CEP68: variants seen among roughly 807,000 people sequenced by gnomAD.
The protein encoded by CEP68 is centrosomal protein 68.
CEP68 carries 26 observed loss-of-function variants against 55.3 expected under a neutral mutation model. That is an observed-to-expected ratio of 0.47 (90% confidence interval 0.34 to 0.65). The LOEUF (loss-of-function observed/expected upper bound fraction) is 0.65. Among genes scored for constraint, CEP68 ranks in the 30% least tolerant of loss-of-function variants. The pLI, the probability that CEP68 is intolerant of heterozygous loss-of-function variation, is 0.01. For missense variants in CEP68, 957 were observed against 946.7 expected (o/e 1.01, Z -0.14); for synonymous variants, 402 against 383.2 (o/e 1.05, Z -0.57).
rs1212233267 is a variant in CEP68 at position 65,069,633 on chromosome 2, C to G, written c.189C>G (p.Ala63=). 1.1e-5 allele frequency: 18 copies of G among 1,613,948 alleles called. No homozygotes were observed. The highest frequency in any genetic ancestry group is 1.4e-5 in the Non-Finnish European group (16 of 1,180,044). ...SPVWGAEGIP[A]PTCWIGTDPG... ...TATGGGGGGCAGAAGGGATACCTGC[C>G]CCTACTTGCTGGATTGGGACTGACC... Residue 63 remains alanine, a synonymous_variant, in exon 2 of 7, where the codon GCC becomes GCG. Transcript: ENST00000377990.
At chr2:65,073,120 C>G (rs1451592598) in intron 3 of CEP68, 140 bp downstream of exon 3, 2 of 927,736 alleles carry the variant, frequency 2.2e-6, no homozygotes, top group Non-Finnish European at 3.5e-6. Flanking sequence ...TTATCTTATT[C>G]AGTCCTCACA....
Position 65,072,391 on chromosome 2 carries a change from A to T in CEP68, c.1295A>T (p.Asp432Val). The change falls in exon 3 of 7, where the codon GAT (aspartate) becomes GTT (valine). Residue 432 changes from aspartate (D) to valine (V), a missense_variant. By Grantham distance (152) the Asp-to-Val change is radical (BLOSUM62 -3). Transcript: ENST00000377990. ...CGGCTGACTATAGGCAAGCACCTTG[A>T]TATGGGCTCTCCCCAGCTAAGGACA... ...KDRLTIGKHLDMGSPQLRTRD... is the reference protein window; with the variant it reads ...KDRLTIGKHLVMGSPQLRTRD... 6.2e-7 allele frequency: 1 copy of T among 1,613,920 alleles called. No homozygotes were observed. The highest frequency in any genetic ancestry group is 2.2e-5 in the East Asian group (1 of 44,866).
In CEP68 at chr2:65,087,004, A is replaced by G. The variant is rs1573058874; in HGVS notation, c.*3370A>G. The G allele has an allele frequency of 2.6e-5, 4 of 152,306 alleles. No individual in the cohort carries two copies. The East Asian group carries it at 7.7e-4, about 29-fold the overall frequency. The allele number at this position is 152,306 out of a possible 1,614,324, so 9.4% of individuals were successfully genotyped here. ...TGAAAAATAAAAATTAAAAAAACCTATTCATTTTTGGCTTGTGTTTAGCTT... is the reference window on the plus strand; with the variant it reads ...TGAAAAATAAAAATTAAAAAAACCTGTTCATTTTTGGCTTGTGTTTAGCTT... On this transcript the variant is annotated 3_prime_UTR_variant, in exon 7 of 7. Transcript: ENST00000377990.
At position 65,074,283 on chromosome 2, in the gene CEP68, C is replaced by T. The variant is rs1348476956; in HGVS notation, c.1886C>T (p.Thr629Ile). Residue 629 changes from threonine to isoleucine, a missense_variant and splice_region_variant, in exon 4 of 7, where the codon ACA (threonine) becomes ATA (isoleucine). Thr to Ile is a moderately conservative substitution (Grantham distance 89). Transcript: ENST00000377990. ...GTGTCCTTTTATTTGTCTCTGCAGACATTTTGCTGTCAGCTGGAAGAGCTG... is the reference window on the plus strand; with the variant it reads ...GTGTCCTTTTATTTGTCTCTGCAGATATTTTGCTGTCAGCTGGAAGAGCTG... ...GKESLVQCVK[T>I]FCCQLEELIC... 1 of 1,614,096 alleles carries T rather than the reference C, an allele frequency of 6.2e-7. No individual in the cohort carries two copies. The highest frequency in any genetic ancestry group is 8.5e-7 in the Non-Finnish European group (1 of 1,179,968).
rs1676367685 is a variant in CEP68, at chr2:65,069,698, A to G, written c.254A>G (p.Asp85Gly). Residue 85 changes from aspartate to glycine, a missense_variant, in exon 2 of 7, where the codon GAT becomes GGT. By Grantham distance (94) the Asp-to-Gly change is moderately conservative (BLOSUM62 -1). Coordinates refer to ENST00000377990, the MANE Select transcript of CEP68 (RefSeq NM_015147.3). Reference protein sequence around the residue: ...PSRAHQPQASDANREPVAERS... With the variant: ...PSRAHQPQASGANREPVAERS... ...AGAGCCCACCAGCCACAGGCCAGTG[A>G]TGCCAACAGAGAGCCCGTAGCTGAG... The G allele has an allele frequency of 1.9e-6, 3 of 1,613,982 alleles. No individual in the cohort carries two copies. The highest frequency in any genetic ancestry group is 2.2e-5 in the South Asian group (2 of 91,094).
intron 5 of CEP68, among the ~76,000 whole-genome samples, chr2:65,078,986 T>C (rs1442969029): frequency 6.6e-6 from 1 of 152,204 alleles, no homozygotes. Context: ...GATGAGGATA[T>C]GATAGGGAGG....
rs755653832 is a variant in CEP68 at position 65,072,576 on chromosome 2, AGCCTGGTTTCGT to A, written c.1481_1492del (p.Ser494_Tyr498delinsAsn). On this transcript the variant is annotated inframe_deletion, in exon 3 of 7. Transcript: ENST00000377990. ...CCCCGCTCGGCTGACACAGGTTTCTAGCCTGGTTTCGTATCTAGGATCCATTTCTACCTTGGT... is the reference window on the plus strand; with the variant it reads ...CCCCGCTCGGCTGACACAGGTTTCTAATCTAGGATCCATTTCTACCTTGGT... 1.9e-6 allele frequency: 3 copies of A among 1,614,056 alleles called. No homozygotes were observed. In the South Asian group the frequency reaches 3.3e-5, roughly 18 times the overall value.
chr2:65,082,670 A>G lies in CEP68; in HGVS notation c.2239A>G (p.Met747Val). The G allele has an allele frequency of 2.5e-6, 4 of 1,605,694 alleles. No homozygotes were observed. Among genetic ancestry groups the G allele is most frequent in the Admixed American group, 1.7e-5 (1 of 57,750 alleles). ...GCTLIPDKKP[M>V]AAMEHPCEGV ...CACCCTTATCCCTGACAAAAAGCCC[A>G]TGGCGGCAATGGAGCACCCATGTGA... Residue 747 changes from methionine to valine, a missense_variant, in exon 6 of 7, where the codon ATG becomes GTG. Transcript: ENST00000377990.
intron 4 of CEP68, chr2:65,075,158 A>G (rs747342634): frequency 1.2e-4 from 18 of 151,888 alleles, no homozygotes; most frequent in East Asian, 5.8e-4. Flanking sequence ...GGCTCACACT[A>G]TTAATCCCAG....
intron 4 of CEP68, among the ~76,000 whole-genome samples, chr2:65,075,605 T>C (rs1185925872): frequency 6.6e-6 from 1 of 152,210 alleles, no homozygotes; most frequent in Non-Finnish European, 1.5e-5. Flanking sequence ...CCCCTTTCAG[T>C]CTCAGAAGTG....
At position 65,086,413 on chromosome 2, in the gene CEP68, A is replaced by G. The variant is rs1295256661; in HGVS notation, c.*2779A>G. 1 of 152,192 alleles carries G rather than the reference A, an allele frequency of 6.6e-6. No homozygotes were observed. Among genetic ancestry groups the G allele is most frequent in the African/African-American group, 2.4e-5 (1 of 41,446 alleles). The allele number at this position is 152,192 out of a possible 1,614,324, so 9.4% of individuals were successfully genotyped here. ...TGAAAATGGGGGTATAAAGGGGTATATATTTTTTCCAGAACCACATTTATT... is the reference window on the plus strand; with the variant it reads ...TGAAAATGGGGGTATAAAGGGGTATGTATTTTTTCCAGAACCACATTTATT... On this transcript the variant is annotated 3_prime_UTR_variant, in exon 7 of 7. Transcript: ENST00000377990.
intron 5 of CEP68, among the ~76,000 whole-genome samples, chr2:65,080,115 A>G (rs1408824386): frequency 2.0e-5 from 3 of 151,970 alleles, no homozygotes; most frequent in Non-Finnish European, 4.4e-5. Context: ...CCTGGGCAAC[A>G]AGAGCGAAAT....
At position 65,060,558 on chromosome 2, in the gene CEP68, C is replaced by T. The variant is rs190347664; in HGVS notation, c.-47+4030C>T. On this transcript the variant is annotated intron_variant, in intron 1 of 6. Coordinates refer to ENST00000377990, the MANE Select transcript of CEP68 (RefSeq NM_015147.3). The stretch of plus-strand genomic sequence containing the variant: ...CAGTCCGGGCAACATAGCGAGGCCT[C>T]GTCTCTTAAAAAAAAATAAATGAAT... Among the ~76,000 whole-genome samples, 292 of 151,496 alleles carry T rather than the reference C, an allele frequency of 1.9e-3. 1 individual carries two copies. The highest frequency in any genetic ancestry group is 6.7e-3 in the African/African-American group (275 of 41,278).
chr2:65,069,758 C>T lies in CEP68; in HGVS notation c.314C>T (p.Ala105Val), dbSNP rs35244429. The T allele has an allele frequency of 1.7e-4, 274 of 1,614,090 alleles. No homozygotes were observed. In the African/African-American group the frequency reaches 3.4e-3, roughly 20 times the overall value. The stretch of plus-strand genomic sequence containing the variant: ...CCTGCACTCAGTGGCCTGCCTCCTG[C>T]CACCATGGGGTCTGGAGACCTTCTG... The part of the protein sequence containing the change: ...SEPALSGLPP[A>V]TMGSGDLLLS... The change falls in exon 2 of 7, where the codon GCC becomes GTC. Residue 105 changes from alanine (A) to valine (V), a missense_variant. Transcript: ENST00000377990.
chr2:65,065,146 T>G (rs546931972), intron 1 of CEP68, among the ~76,000 whole-genome samples: 18 of 152,352 alleles, frequency 1.2e-4, no homozygotes, highest in South Asian at 4.1e-4. Flanking sequence ...GAACTGGCCC[T>G]CACATGTGCT....
chr2:65,083,406 A>G (rs1318729520), intron 6 of CEP68, among the ~76,000 whole-genome samples: 1 of 152,238 alleles, frequency 6.6e-6, no homozygotes, highest in Non-Finnish European at 1.5e-5. Context: ...GCTTTTCATA[A>G]TTCTGCAATT....
intron 6 of CEP68, among the ~76,000 whole-genome samples, chr2:65,083,284 TAACTGGTAGTAC>T (rs1052929168): frequency 6.6e-6 from 1 of 152,166 alleles, no homozygotes; most frequent in African/African-American, 2.4e-5. Flanking sequence ...CTTGGAGACT[TAACTGGTAGTAC>T]AACTTTCTTT....
At chr2:65,056,974 G>C (rs1219954065) in intron 1 of CEP68, among the ~76,000 whole-genome samples, 1 of 152,214 alleles carries the variant, frequency 6.6e-6, no homozygotes, top group East Asian at 1.9e-4. Context: ...AATGCAGCTC[G>C]GGCCTTTCCC....
chr2:65,063,063 C>G (rs909861957), intron 1 of CEP68, among the ~76,000 whole-genome samples: 1 of 152,138 alleles, frequency 6.6e-6, no homozygotes, highest in Admixed American at 6.5e-5. Flanking sequence ...GAAGAAGGGT[C>G]AGATGTCCAG....
Sources: allele counts gnomAD v4.1 joint callset (sites outside exome capture counted in the v4.1 genomes callset), GRCh38; gene constraint gnomAD v4.1.1; transcripts MANE v1.5; gene names NCBI Gene and HGNC (gene_info 2026-07-23, HGNC 2026-07-21).